Variants in GFPT1 observed in about 807,000 individuals in gnomAD.
The protein encoded by GFPT1 is glutamine--fructose-6-phosphate transaminase 1.
In GFPT1, 40 loss-of-function variants were observed where a neutral mutation model predicts 92.0. The observed-to-expected ratio is 0.43, with a 90% CI of 0.34 to 0.57. The LOEUF (loss-of-function observed/expected upper bound fraction) is 0.57, where lower values mean the gene tolerates loss of function less well. Ranked by LOEUF, GFPT1 falls within the 20% of genes least tolerant of loss-of-function variation. The probability of loss-of-function intolerance (pLI) is 0.02; values close to 1 mark genes in which losing one functional copy is unlikely to be tolerated. For missense variants in GFPT1, 448 were observed against 869.1 expected (o/e 0.52, Z 6.09); for synonymous variants, 269 against 280.6 (o/e 0.96, Z 0.41).
At chr2:69,340,949 T>C (rs1670935455) in intron 13 of GFPT1, among the ~76,000 whole-genome samples, 1 of 152,104 alleles carries the variant, frequency 6.6e-6, no homozygotes, top group Non-Finnish European at 1.5e-5. Context: ...TCTTTCTTCT[T>C]CCCGTGTTCA....
chr2:69,322,836 C>T lies in GFPT1; in HGVS notation c.*3353G>A, dbSNP rs1159319878. On this transcript the variant is annotated 3_prime_UTR_variant, in exon 20 of 20. Coordinates refer to ENST00000357308, the MANE Select transcript of GFPT1 (RefSeq NM_001244710.2). The stretch of plus-strand genomic sequence containing the variant: ...CTTCTTATGAAACACAATATGCCCC[C>T]AAACATGGACCATTATTCAAGTAGA... 2 of 152,162 alleles carry T rather than the reference C, an allele frequency of 1.3e-5. No individual in the cohort carries two copies. The highest frequency in any genetic ancestry group is 3.8e-4 in the East Asian group (2 of 5,202). 9.4% of individuals were successfully genotyped at this position (152,162 alleles called of 1,614,324 possible).
chr2:69,331,566 G>A (rs1296520972), intron 15 of GFPT1, among the ~76,000 whole-genome samples: 1 of 151,888 alleles, frequency 6.6e-6, no homozygotes. Context: ...TTGCATTTTT[G>A]GTGTGATGTA....
Position 69,322,227 on chromosome 2 carries a change from A to T in GFPT1, c.*3962T>A, listed in dbSNP as rs1171454069. The stretch of plus-strand genomic sequence containing the variant: ...TATGTGAATATCATAAAATGAAAAT[A>T]TCACTCCCTTCAATTTCTTTGGCCT... On this transcript the variant is annotated 3_prime_UTR_variant, in exon 20 of 20. Transcript: ENST00000357308. 1 of 152,224 alleles carries T rather than the reference A, an allele frequency of 6.6e-6. No homozygotes were observed. Among genetic ancestry groups the T allele is most frequent in the Non-Finnish European group, 1.5e-5 (1 of 68,026 alleles). 9.4% of individuals were successfully genotyped at this position (152,224 alleles called of 1,614,324 possible).
chr2:69,350,092 A>C lies in GFPT1; in HGVS notation c.831T>G (p.Phe277Leu). The change falls in exon 10 of 20, where the codon TTT becomes TTG. Residue 277 changes from phenylalanine (F) to leucine (L), a missense_variant. Transcript: ENST00000357308. ...AGGAAGCTCACCTTGCATCAGAAGC[A>C]AAGTAATACTCCACTGCTTTTTCTT... ...PVEEKAVEYY[F>L]ASDASAVIEH... is the part of the protein sequence containing the mutation. 6.2e-7 allele frequency: 1 copy of C among 1,611,878 alleles called. No individual in the cohort carries two copies. Among genetic ancestry groups the C allele is most frequent in the East Asian group, 2.2e-5 (1 of 44,858 alleles).
At chr2:69,379,232 T>C in intron 1 of GFPT1, among the ~76,000 whole-genome samples, 1 of 152,192 alleles carries the variant, frequency 6.6e-6, no homozygotes, top group African/African-American at 2.4e-5. Flanking sequence ...CCTTCAGCTA[T>C]AAATTTTTCT....
At chr2:69,335,550 C>T (rs1670774475) in intron 15 of GFPT1, among the ~76,000 whole-genome samples, 1 of 152,142 alleles carries the variant, frequency 6.6e-6, no homozygotes, top group Non-Finnish European at 1.5e-5. Flanking sequence ...AATAAAGAGC[C>T]TCTGGGATTC....
At chr2:69,360,094 G>A (rs1671429329) in intron 4 of GFPT1, among the ~76,000 whole-genome samples, 1 of 152,050 alleles carries the variant, frequency 6.6e-6, no homozygotes, top group Non-Finnish European at 1.5e-5. Context: ...TTAAGAGGTC[G>A]AGATGGGCAG....
chr2:69,341,783 G>C (rs1357257304), intron 13 of GFPT1, among the ~76,000 whole-genome samples: 3 of 152,110 alleles, frequency 2.0e-5, no homozygotes, highest in African/African-American at 7.2e-5. Context: ...GTTCACACAT[G>C]ATGCAGGCCA....
intron 1 of GFPT1, among the ~76,000 whole-genome samples, chr2:69,383,506 T>C (rs1015461773): frequency 6.6e-6 from 1 of 152,218 alleles, no homozygotes; most frequent in Non-Finnish European, 1.5e-5. Flanking sequence ...TTAGACAGTA[T>C]AATTACAAAA....
intron 1 of GFPT1, among the ~76,000 whole-genome samples, chr2:69,381,762 C>T (rs1029024506): frequency 2.0e-5 from 3 of 151,540 alleles, no homozygotes; most frequent in East Asian, 1.9e-4. Context: ...CTATGTTGCC[C>T]GGGCTGATCT....
intron 13 of GFPT1, among the ~76,000 whole-genome samples, chr2:69,338,802 CT>C (rs58220809): frequency 3.8e-4 from 50 of 131,766 alleles, no homozygotes; most frequent in Admixed American, 8.0e-4. Flanking sequence ...GTATACATTC[CT>C]TTTTTTTTTT....
At chr2:69,331,668 A>T (rs186218975) in intron 15 of GFPT1, among the ~76,000 whole-genome samples, 129 of 152,222 alleles carry the variant, frequency 8.5e-4, no homozygotes, top group Non-Finnish European at 1.3e-3. Flanking sequence ...TAATTGTATT[A>T]GTATTGTGAA....
chr2:69,369,919 G>A, intron 3 of GFPT1, 82 bp downstream of exon 3: 3 of 833,036 alleles, frequency 3.6e-6, no homozygotes, highest in Non-Finnish European at 6.4e-6. Flanking sequence ...AAATATGGGG[G>A]GAGGGAGTAA....
chr2:69,361,733 C>G (rs1339213388), intron 4 of GFPT1, among the ~76,000 whole-genome samples: 2 of 152,168 alleles, frequency 1.3e-5, no homozygotes, highest in African/African-American at 4.8e-5. Context: ...AATCTCAGCA[C>G]TTTGGGAGGC....
At chr2:69,331,531 C>T (rs1310862525) in intron 15 of GFPT1, among the ~76,000 whole-genome samples, 1 of 151,946 alleles carries the variant, frequency 6.6e-6, no homozygotes, top group African/African-American at 2.4e-5. Flanking sequence ...TATATGTTAC[C>T]ATTTTTCTGG....
chr2:69,330,579 A>T (rs966129582), intron 15 of GFPT1, among the ~76,000 whole-genome samples: 1 of 139,404 alleles, frequency 7.2e-6, no homozygotes, highest in Non-Finnish European at 1.6e-5. Flanking sequence ...AGTTTGCATT[A>T]AAAAAAAAAA....
At chr2:69,363,736 A>T in intron 3 of GFPT1, 66 bp from the exon 4 acceptor site, 1 of 1,083,352 alleles carries the variant, frequency 9.2e-7, no homozygotes, top group South Asian at 1.3e-5. Context: ...TATAAGCTAT[A>T]TTTAAATACA....
At chr2:69,360,502 A>C (rs1671446185) in intron 4 of GFPT1, among the ~76,000 whole-genome samples, 1 of 149,714 alleles carries the variant, frequency 6.7e-6, no homozygotes, top group Admixed American at 6.7e-5. Flanking sequence ...ACAGTGGCTC[A>C]ATCATGACTC....
At chr2:69,345,470 C>G (rs182451643) in intron 12 of GFPT1, among the ~76,000 whole-genome samples, 6 of 152,270 alleles carry the variant, frequency 3.9e-5, no homozygotes, top group African/African-American at 1.4e-4. Flanking sequence ...TTCACAGTAC[C>G]TAGGACAGTC....
Sources: allele counts gnomAD v4.1 joint callset (sites outside exome capture counted in the v4.1 genomes callset), GRCh38; gene constraint gnomAD v4.1.1; transcripts MANE v1.5; gene names NCBI Gene and HGNC (gene_info 2026-07-23, HGNC 2026-07-21).